Variants in KSR2 observed in about 807,000 individuals in gnomAD.
KSR2 encodes kinase suppressor of ras 2.
In KSR2, 25 loss-of-function variants were observed where a neutral mutation model predicts 107.8. That is an observed-to-expected ratio of 0.23 (90% CI 0.17 to 0.32). The LOEUF (loss-of-function observed/expected upper bound fraction) is 0.32, where lower values mean the gene tolerates loss of function less well. KSR2 is among the 10% of genes least tolerant of loss of function. The pLI is 1.00. For synonymous variants in KSR2, 480 were observed against 507.0 expected (o/e 0.95, Z 0.71); for missense variants, 887 against 1,268.9 (o/e 0.70, Z 4.57).
chr12:117,488,554 C>T (rs1194932084), intron 14 of KSR2, among the ~76,000 whole-genome samples: 1 of 152,204 alleles, frequency 6.6e-6, no homozygotes, highest in African/African-American at 2.4e-5. Context: ...GGGACTCCAG[C>T]TAGTTCTCTT....
intron 14 of KSR2, among the ~76,000 whole-genome samples, chr12:117,493,563 C>G (rs1476083372): frequency 6.6e-6 from 1 of 152,164 alleles, no homozygotes; most frequent in African/African-American, 2.4e-5. Context: ...TCACTCCCCC[C>G]AATAGGTCCC....
At chr12:117,595,607 C>T (rs914259793) in intron 5 of KSR2, among the ~76,000 whole-genome samples, 1 of 152,156 alleles carries the variant, frequency 6.6e-6, no homozygotes, top group Non-Finnish European at 1.5e-5. Flanking sequence ...TCATGATCCA[C>T]CCGCCTCGGC....
chr12:117,608,692 G>A (rs1470466797), intron 5 of KSR2, among the ~76,000 whole-genome samples: 1 of 152,138 alleles, frequency 6.6e-6, no homozygotes, highest in Non-Finnish European at 1.5e-5. Context: ...TGGATTATAT[G>A]ATCTTTATAC....
At chr12:117,651,507 G>C (rs2136436000) in intron 5 of KSR2, among the ~76,000 whole-genome samples, 1 of 152,332 alleles carries the variant, frequency 6.6e-6, no homozygotes, top group African/African-American at 2.4e-5. Context: ...CACAGAGTTG[G>C]ATCAGGCTGA....
intron 1 of KSR2, among the ~76,000 whole-genome samples, chr12:117,940,669 T>C (rs1895980288): frequency 6.6e-6 from 1 of 152,242 alleles, no homozygotes; most frequent in Non-Finnish European, 1.5e-5. Context: ...AATTTTTGTT[T>C]GTTGGTTTTT....
chr12:117,944,715 G>A (rs150776826), intron 1 of KSR2, among the ~76,000 whole-genome samples: 35 of 151,798 alleles, frequency 2.3e-4, no homozygotes, highest in African/African-American at 8.2e-4. Flanking sequence ...AAAATTAGCC[G>A]AGGGTGGTAG....
chr12:117,514,727 T>G (rs55698241), intron 14 of KSR2, among the ~76,000 whole-genome samples: 9,901 of 151,950 alleles, frequency 0.065, 425 homozygotes, highest in African/African-American at 0.13. Flanking sequence ...TTTTTAATTT[T>G]TGTAGAGATG....
At chr12:117,913,991 C>T (rs979675086) in intron 1 of KSR2, among the ~76,000 whole-genome samples, 1 of 152,172 alleles carries the variant, frequency 6.6e-6, no homozygotes, top group African/African-American at 2.4e-5. Context: ...GGGCAACTGG[C>T]TCCAGAAGGG....
At chr12:117,871,159 A>C (rs188694169) in intron 1 of KSR2, among the ~76,000 whole-genome samples, 1 of 152,340 alleles carries the variant, frequency 6.6e-6, no homozygotes, top group East Asian at 1.9e-4. Flanking sequence ...ATATGGGTCC[A>C]ATCACTGTCC....
intron 3 of KSR2, among the ~76,000 whole-genome samples, chr12:117,787,408 G>A (rs1018382985): frequency 1.3e-5 from 2 of 152,120 alleles, no homozygotes; most frequent in South Asian, 2.1e-4. Flanking sequence ...CACGGCGGGC[G>A]GATCATCTGA....
intron 5 of KSR2, among the ~76,000 whole-genome samples, chr12:117,623,736 T>C (rs558647197): frequency 1.4e-4 from 21 of 152,372 alleles, no homozygotes; most frequent in African/African-American, 4.8e-4. Flanking sequence ...ATCCTTTGGG[T>C]ATATACCCAG....
intron 4 of KSR2, among the ~76,000 whole-genome samples, chr12:117,691,201 A>G (rs1441684982): frequency 6.6e-6 from 1 of 152,166 alleles, no homozygotes; most frequent in Non-Finnish European, 1.5e-5. Flanking sequence ...AAATTGCTGC[A>G]TTTTTGGACG....
chr12:117,707,309 T>G (rs1383144034), intron 4 of KSR2, among the ~76,000 whole-genome samples: 1 of 152,196 alleles, frequency 6.6e-6, no homozygotes. Context: ...GATAAAATGT[T>G]TTAAAATGGA....
chr12:117,773,056 C>T (rs981725049), intron 3 of KSR2, among the ~76,000 whole-genome samples: 1 of 152,240 alleles, frequency 6.6e-6, no homozygotes, highest in African/African-American at 2.4e-5. Context: ...GATTCAACTT[C>T]TCTCTGCCGA....
intron 4 of KSR2, among the ~76,000 whole-genome samples, chr12:117,730,602 C>T (rs550858389): frequency 7.8e-4 from 119 of 152,260 alleles, no homozygotes; most frequent in Non-Finnish European, 1.2e-3. Context: ...TCACCGCATC[C>T]TCCCTGCCTG....
At chr12:117,693,893 G>A (rs139762133) in intron 4 of KSR2, among the ~76,000 whole-genome samples, 37 of 152,308 alleles carry the variant, frequency 2.4e-4, no homozygotes, top group Non-Finnish European at 4.3e-4. Flanking sequence ...TGACGCCTAT[G>A]CCCTTAAGCT....
intron 1 of KSR2, among the ~76,000 whole-genome samples, chr12:117,960,012 T>A (rs1311215824): frequency 4.0e-5 from 6 of 151,454 alleles, no homozygotes; most frequent in Non-Finnish European, 5.9e-5. Flanking sequence ...TCCCACTGCG[T>A]CCCTCTTCAT....
At chr12:117,583,161 G>C (rs1879772737) in intron 5 of KSR2, among the ~76,000 whole-genome samples, 1 of 151,742 alleles carries the variant, frequency 6.6e-6, no homozygotes, top group African/African-American at 2.4e-5. Context: ...GGGTGGGTGA[G>C]TAGATGGATG....
At chr12:117,753,414 C>A (rs1294388334) in intron 4 of KSR2, among the ~76,000 whole-genome samples, 2 of 152,138 alleles carry the variant, frequency 1.3e-5, no homozygotes, top group African/African-American at 4.8e-5. Context: ...ATTGAGAATT[C>A]ATGCTCTATG....
Sources: gnomAD v4.1 joint callset for allele counts (sites outside exome capture counted in the v4.1 genomes callset) on GRCh38, gnomAD v4.1.1 for gene constraint, MANE v1.5 for transcripts, NCBI Gene and HGNC (gene_info 2026-07-23, HGNC 2026-07-21) for gene names.